The following ZNF503 variants were observed in gnomAD, a reference collection of about 807,000 sequenced individuals.
The protein encoded by ZNF503 is NocA-like zinc finger 2.
In ZNF503, 15 loss-of-function variants were observed where a neutral mutation model predicts 34.4. The observed-to-expected ratio is 0.44, with a 90% CI of 0.29 to 0.67. ZNF503 has a LOEUF of 0.67. Ranked by LOEUF, ZNF503 falls within the 30% of genes least tolerant of loss-of-function variation. The probability of loss-of-function intolerance (pLI) is 0.13; values close to 1 mark genes in which losing one functional copy is unlikely to be tolerated. For missense variants in ZNF503, 1,007 were observed against 926.8 expected (o/e 1.09, Z -1.12); for synonymous variants, 580 against 456.8 (o/e 1.27, Z -3.44).
chr10:75,335,381 C>T, the ZNF503 span, among the ~76,000 whole-genome samples: 1 of 152,192 alleles, frequency 6.6e-6, no homozygotes, highest in East Asian at 1.9e-4. Flanking sequence ...TGGATAAAGT[C>T]CAAACTCTAC....
chr10:75,371,637 C>T, the ZNF503 span, among the ~76,000 whole-genome samples: 1 of 152,204 alleles, frequency 6.6e-6, no homozygotes, highest in Admixed American at 6.5e-5. Flanking sequence ...CAGCTTGGAT[C>T]AGGTAGGTGC....
chr10:75,302,242 T>C, the ZNF503 span, among the ~76,000 whole-genome samples: 1 of 152,246 alleles, frequency 6.6e-6, no homozygotes, highest in Non-Finnish European at 1.5e-5. Context: ...GTCCATTGTA[T>C]TGTTGTTCTT....
At chr10:75,382,283 T>C in the ZNF503 span, 1 of 243,590 alleles carries the variant, frequency 4.1e-6, no homozygotes, top group South Asian at 6.5e-5. Flanking sequence ...CAACAAATGT[T>C]ATTTCACAAC....
the ZNF503 span, among the ~76,000 whole-genome samples, chr10:75,359,212 C>T: frequency 6.6e-6 from 1 of 152,330 alleles, no homozygotes; most frequent in South Asian, 2.1e-4. Context: ...CTCCCTCTGC[C>T]CCTTTGTGGT....
the ZNF503 span, among the ~76,000 whole-genome samples, chr10:75,389,280 C>A: frequency 4.6e-5 from 7 of 152,180 alleles, no homozygotes; most frequent in Non-Finnish European, 7.4e-5. Flanking sequence ...ATACTCAGTG[C>A]CCCTCCTGGT....
the ZNF503 span, among the ~76,000 whole-genome samples, chr10:75,280,926 G>A: frequency 6.6e-6 from 1 of 152,194 alleles, no homozygotes; most frequent in South Asian, 2.1e-4. Flanking sequence ...GTGTGCATGA[G>A]GGTGATGTGG....
the ZNF503 span, among the ~76,000 whole-genome samples, chr10:75,342,826 C>T: frequency 6.6e-6 from 1 of 152,152 alleles, no homozygotes; most frequent in Non-Finnish European, 1.5e-5. Context: ...TCCAGAAGGG[C>T]AGGCTCATGT....
downstream of ZNF503, among the ~76,000 whole-genome samples, chr10:75,395,346 T>C (rs1843684403): frequency 6.6e-6 from 1 of 150,670 alleles, no homozygotes; most frequent in African/African-American, 2.4e-5. The surrounding 1 kb of genome is among the most constrained non-coding windows in gnomAD (Gnocchi z 4.4). Context: ...AAGCGAGGAG[T>C]CACAGGGAGG....
chr10:75,334,203 C>T, the ZNF503 span, among the ~76,000 whole-genome samples: 2 of 150,722 alleles, frequency 1.3e-5, no homozygotes, highest in South Asian at 2.2e-4. Context: ...TCCTTGCCCT[C>T]GGGCCCCGCG....
chr10:75,347,540 G>A, the ZNF503 span, among the ~76,000 whole-genome samples: 23 of 152,216 alleles, frequency 1.5e-4, no homozygotes, highest in Non-Finnish European at 3.4e-4. Context: ...GCCAGCCTAG[G>A]GGGCAGGCTG....
chr10:75,401,765 G>A (rs528211436), upstream of ZNF503: 8 of 329,842 alleles, frequency 2.4e-5, no homozygotes, highest in South Asian at 3.7e-4. Context: ...CCGGGGCTCT[G>A]GCGAGGAAAC....
the ZNF503 span, among the ~76,000 whole-genome samples, chr10:75,386,166 G>A: frequency 6.6e-6 from 1 of 152,168 alleles, no homozygotes; most frequent in African/African-American, 2.4e-5. Flanking sequence ...GTGTAGCCAC[G>A]TGACTATGAG....
the ZNF503 span, among the ~76,000 whole-genome samples, chr10:75,331,884 C>T: frequency 6.6e-6 from 1 of 152,058 alleles, no homozygotes; most frequent in Non-Finnish European, 1.5e-5. Flanking sequence ...ATTGTTATAC[C>T]CTATTGTTGA....
At chr10:75,323,140 C>A in the ZNF503 span, among the ~76,000 whole-genome samples, 2 of 152,128 alleles carry the variant, frequency 1.3e-5, no homozygotes, top group Non-Finnish European at 2.9e-5. Context: ...CTGGCTCTGA[C>A]TTCTTTCACA....
At chr10:75,282,390 C>A in the ZNF503 span, among the ~76,000 whole-genome samples, 1 of 152,002 alleles carries the variant, frequency 6.6e-6, no homozygotes, top group East Asian at 1.9e-4. Context: ...CTTTGTGTTG[C>A]AGAGGTCTCT....
At chr10:75,382,381 C>A in the ZNF503 span, 1 of 302,548 alleles carries the variant, frequency 3.3e-6, no homozygotes, top group Non-Finnish European at 6.8e-6. Context: ...GAGGTAAAAG[C>A]AGTGTCCTCA....
the ZNF503 span, among the ~76,000 whole-genome samples, chr10:75,328,878 C>G: frequency 3.3e-5 from 5 of 151,632 alleles, no homozygotes. Context: ...TCCTGAGTAC[C>G]TGGGATTACA....
the ZNF503 span, among the ~76,000 whole-genome samples, chr10:75,318,217 A>G: frequency 6.6e-6 from 1 of 152,228 alleles, no homozygotes; most frequent in African/African-American, 2.4e-5. Flanking sequence ...TGTCAGTTAT[A>G]CCCCATAAAG....
Position 75,398,748 on chromosome 10 carries a change from C to G in ZNF503, c.*1G>C, listed in dbSNP as rs1843737039. 1 of 1,384,996 alleles carries G rather than the reference C, an allele frequency of 7.2e-7. No individual in the cohort carries two copies. 85.8% of individuals were successfully genotyped at this position (1,384,996 alleles called of 1,614,324 possible). ...TCCCTCGCTCGCCCTCCCGGCCGCC[C>G]TCACTGATACCCCAGCGCCGAGGCG... is the stretch of plus-strand genomic sequence containing the variant. On this transcript the variant is annotated 3_prime_UTR_variant, in exon 2 of 2. Coordinates refer to ENST00000372524, the MANE Select transcript of ZNF503 (RefSeq NM_032772.6).
Sources: gnomAD v4.1 joint callset for allele counts (sites outside exome capture counted in the v4.1 genomes callset) on GRCh38, gnomAD v4.1.1 for gene constraint, Gnocchi (gnomAD v3.1) non-coding constraint, MANE v1.5 for transcripts, NCBI Gene and HGNC (gene_info 2026-07-23, HGNC 2026-07-21) for gene names.